The following SASH1 variants were observed in gnomAD, a reference collection of about 807,000 sequenced individuals.
The protein encoded by SASH1 is SAM and SH3 domain containing 1, also known as SAM and SH3 domain-containing protein 1.
In SASH1, 44 loss-of-function variants were observed where a neutral mutation model predicts 125.2. The ratio of observed to expected loss-of-function variants is 0.35; its 90% CI spans 0.28 to 0.45. The LOEUF (loss-of-function observed/expected upper bound fraction) is 0.45. SASH1 is among the 20% of genes least tolerant of loss of function. The probability of loss-of-function intolerance (pLI) is 1.00; values close to 1 mark genes in which losing one functional copy is unlikely to be tolerated. For synonymous variants in SASH1, 639 were observed against 649.1 expected (o/e 0.98, Z 0.24); for missense variants, 1,426 against 1,614.5 (o/e 0.88, Z 2.00).
intron 1 of SASH1, among the ~76,000 whole-genome samples, chr6:148,286,340 G>T (rs371657050): frequency 4.6e-5 from 7 of 151,938 alleles, no homozygotes; most frequent in Non-Finnish European, 7.4e-5. Flanking sequence ...GGCGGAGGTT[G>T]CTGTGAGCCG....
At chr6:148,480,927 A>T (rs1029177726) in intron 7 of SASH1, among the ~76,000 whole-genome samples, 1 of 152,008 alleles carries the variant, frequency 6.6e-6, no homozygotes, top group South Asian at 2.1e-4. Context: ...GAATGCTTTC[A>T]TCCCATCTAA....
intron 16 of SASH1, among the ~76,000 whole-genome samples, chr6:148,537,776 C>CTGCGTGTGTG (rs1781939713): frequency 8.0e-6 from 1 of 125,598 alleles, no homozygotes; most frequent in African/African-American, 3.0e-5. Flanking sequence ...TTAGCATATT[C>CTGCGTGTGTG]TGTGTGTGTG....
intron 2 of SASH1, among the ~76,000 whole-genome samples, chr6:148,421,157 GAA>G (rs1554254979): frequency 1.2e-5 from 1 of 83,654 alleles, no homozygotes; most frequent in Non-Finnish European, 2.6e-5. Context: ...AAGAAAGAAA[GAA>G]AGAAAGAAAG....
At chr6:148,375,741 CG>C (rs1782865935) in intron 1 of SASH1, among the ~76,000 whole-genome samples, 1 of 152,124 alleles carries the variant, frequency 6.6e-6, no homozygotes, top group Admixed American at 6.5e-5. Flanking sequence ...ACACATGTGC[CG>C]GAACAAGAAA....
At chr6:148,269,539 A>C (rs1779015024), upstream of SASH1, among the ~76,000 whole-genome samples, 4 of 152,286 alleles carry the variant, frequency 2.6e-5, no homozygotes, top group Middle Eastern at 3.4e-3. Context: ...GGTGTGAGCC[A>C]CCACCCCCAA....
intron 17 of SASH1, among the ~76,000 whole-genome samples, chr6:148,542,334 T>C (rs561941192): frequency 9.2e-5 from 14 of 152,338 alleles, no homozygotes; most frequent in African/African-American, 2.9e-4. Flanking sequence ...ACTTTTAAAA[T>C]CTGATGCAAT....
At chr6:148,196,708 A>G in the SASH1 span, among the ~76,000 whole-genome samples, 3 of 152,218 alleles carry the variant, frequency 2.0e-5, no homozygotes, top group African/African-American at 7.2e-5. Flanking sequence ...TATAATTGTG[A>G]GATAAGACAA....
chr6:148,310,962 T>G (rs1780310322), intron 1 of SASH1, among the ~76,000 whole-genome samples: 1 of 152,118 alleles, frequency 6.6e-6, no homozygotes, highest in African/African-American at 2.4e-5. Context: ...TTTGTTTTTT[T>G]GAGCTAGGGT....
chr6:148,392,058 G>T (rs1783747525), intron 2 of SASH1, among the ~76,000 whole-genome samples: 2 of 152,192 alleles, frequency 1.3e-5, no homozygotes. Context: ...ACCGAGGCTG[G>T]CAGATCACTT....
chr6:148,497,471 A>C (rs554338739), intron 8 of SASH1, among the ~76,000 whole-genome samples: 1 of 152,360 alleles, frequency 6.6e-6, no homozygotes, highest in South Asian at 2.1e-4. Context: ...AGACTGGTTA[A>C]GCTCAGACTT....
At chr6:148,441,383 G>A in intron 4 of SASH1, among the ~76,000 whole-genome samples, 1 of 152,320 alleles carries the variant, frequency 6.6e-6, no homozygotes, top group South Asian at 2.1e-4. Flanking sequence ...AGGCTTTGTG[G>A]GTTTTGTTCT....
chr6:148,483,532 T>C (rs1778718071), intron 7 of SASH1, among the ~76,000 whole-genome samples: 1 of 152,150 alleles, frequency 6.6e-6, no homozygotes, highest in African/African-American at 2.4e-5. Context: ...AGGATGAAGT[T>C]GGACAGAGAT....
intron 1 of SASH1, among the ~76,000 whole-genome samples, chr6:148,344,976 G>C (rs1362775022): frequency 6.6e-6 from 1 of 151,990 alleles, no homozygotes; most frequent in Non-Finnish European, 1.5e-5. Flanking sequence ...GGCTGGTCTC[G>C]AACTCCTGAC....
At chr6:148,323,350 G>A (rs1024240140) in intron 1 of SASH1, among the ~76,000 whole-genome samples, 3 of 152,260 alleles carry the variant, frequency 2.0e-5, no homozygotes, top group Middle Eastern at 3.4e-3. Context: ...ACATACCTGA[G>A]TCCCATCTCC....
intron 2 of SASH1, among the ~76,000 whole-genome samples, chr6:148,393,041 ATTTT>A (rs11368073): frequency 1.3e-5 from 1 of 78,120 alleles, no homozygotes. Flanking sequence ...GAATGTTTCA[ATTTT>A]TTTTTTTTTT....
chr6:148,445,299 A>G (rs1776724466), intron 4 of SASH1, among the ~76,000 whole-genome samples: 1 of 152,122 alleles, frequency 6.6e-6, no homozygotes. Flanking sequence ...TATTTTACCC[A>G]GCCCCAGTTC....
At chr6:148,379,861 C>G (rs1422196888) in intron 1 of SASH1, 1 of 455,404 alleles carries the variant, frequency 2.2e-6, no homozygotes, top group Non-Finnish European at 4.4e-6. Context: ...AAAGAGCTGC[C>G]ATGTTCCATC....
At position 148,546,118 on chromosome 6, in the gene SASH1, A is replaced by G. The variant is rs1583342068; in HGVS notation, c.3452A>G (p.Lys1151Arg). The G allele has an allele frequency of 1.9e-6, 3 of 1,614,226 alleles. No individual in the cohort carries two copies. The highest frequency in any genetic ancestry group is 1.1e-5 in the South Asian group (1 of 91,084). Residue 1151 changes from lysine (K) to arginine (R), a missense_variant, in exon 19 of 20, where the codon AAG becomes AGG. Transcript: ENST00000367467. The stretch of plus-strand genomic sequence containing the variant: ...GCCAACATGGACCAGATCCGGGTGA[A>G]GCAGCTTCGGAAGCAGCACCGCATG... ...VAANMDQIRV[K>R]QLRKQHRMAI...
intron 10 of SASH1, among the ~76,000 whole-genome samples, chr6:148,524,164 G>A (rs1327258554): frequency 5.2e-5 from 7 of 134,404 alleles, no homozygotes; most frequent in African/African-American, 1.9e-4. Context: ...TATTAGGTTG[G>A]TGCAAAAGTA....
Sources: gnomAD v4.1 joint callset for allele counts (sites outside exome capture counted in the v4.1 genomes callset) on GRCh38, gnomAD v4.1.1 for gene constraint, MANE v1.5 for transcripts, NCBI Gene and HGNC (gene_info 2026-07-23, HGNC 2026-07-21) for gene names.